Variants in DHRSX observed in about 807,000 individuals in gnomAD.
DHRSX encodes polyprenol dehydrogenase.
DHRSX carries 31 observed loss-of-function variants against 34.0 expected under a neutral mutation model. The observed-to-expected ratio is 0.91, with a 90% CI of 0.69 to 1.23. The LOEUF is 1.23. DHRSX is among the 50% of genes most tolerant of loss of function. The pLI is 0.00. For synonymous variants in DHRSX, 201 were observed against 183.8 expected, an observed-to-expected ratio of 1.09 and a Z score of -0.76; for missense variants, 414 against 428.1, an observed-to-expected ratio of 0.97 and a Z score of 0.29.
intron 3 of DHRSX, among the ~76,000 whole-genome samples, chrX:2,324,637 G>A (rs960282936): frequency 6.6e-6 from 1 of 152,044 alleles, no homozygotes; most frequent in Non-Finnish European, 1.5e-5. Flanking sequence ...ATCTAATACA[G>A]TCATGATACT....
chrX:2,310,165 G>A (rs1181272889), intron 3 of DHRSX, among the ~76,000 whole-genome samples: 26 of 151,988 alleles, frequency 1.7e-4, no homozygotes, highest in Admixed American at 6.6e-4. Context: ...AGCAACAGCC[G>A]TCCTGCTACC....
chrX:2,361,173 C>A (rs919205645), intron 3 of DHRSX, among the ~76,000 whole-genome samples: 2 of 152,018 alleles, frequency 1.3e-5, no homozygotes, highest in South Asian at 2.1e-4. Context: ...TGCAGTGGTG[C>A]GATCTCGGCT....
intron 6 of DHRSX, among the ~76,000 whole-genome samples, chrX:2,232,067 CCTTTT>C (rs1332162345): frequency 8.0e-5 from 12 of 150,370 alleles, no homozygotes; most frequent in Non-Finnish European, 1.3e-4. Context: ...CTGTCTTCCT[CCTTTT>C]ATTTTTTCTC....
At chrX:2,396,434 T>C (rs1443795955) in intron 3 of DHRSX, among the ~76,000 whole-genome samples, 4 of 140,226 alleles carry the variant, frequency 2.9e-5, no homozygotes, top group African/African-American at 5.2e-5. Context: ...CTGGAGTGCA[T>C]TGGCAATATC....
chrX:2,225,168 A>G (rs1226547121), intron 6 of DHRSX, among the ~76,000 whole-genome samples: 1 of 62,238 alleles, frequency 1.6e-5, no homozygotes, highest in Admixed American at 1.7e-4. Flanking sequence ...ACATGCACTC[A>G]CACACGCACA....
At chrX:2,432,089 G>A (rs1317428669) in intron 1 of DHRSX, among the ~76,000 whole-genome samples, 1 of 152,102 alleles carries the variant, frequency 6.6e-6, no homozygotes, top group Non-Finnish European at 1.5e-5. Flanking sequence ...AGCGACTCGG[G>A]AGGCTGAGGC....
At chrX:2,270,472 C>T (rs1232440584) in intron 4 of DHRSX, among the ~76,000 whole-genome samples, 4 of 152,182 alleles carry the variant, frequency 2.6e-5, no homozygotes, top group Non-Finnish European at 4.4e-5. Context: ...GTTTTACAGC[C>T]TCTCCAACCC....
At chrX:2,432,074 A>G (rs1189533357) in intron 1 of DHRSX, among the ~76,000 whole-genome samples, 1 of 152,038 alleles carries the variant, frequency 6.6e-6, no homozygotes, top group Non-Finnish European at 1.5e-5. Flanking sequence ...GCCACCTGTA[A>G]TCCCAGCGAC....
At chrX:2,465,003 C>T (rs944974644) in intron 1 of DHRSX, among the ~76,000 whole-genome samples, 1 of 151,948 alleles carries the variant, frequency 6.6e-6, no homozygotes, top group Non-Finnish European at 1.5e-5. Context: ...CATGTACACA[C>T]TGAAGACGTT....
intron 3 of DHRSX, chrX:2,336,519 T>C (rs1475374186): frequency 6.6e-6 from 1 of 152,120 alleles, no homozygotes; most frequent in Admixed American, 6.6e-5. Flanking sequence ...ATACTTGTCA[T>C]CAGTACTGGG....
chrX:2,386,813 A>G (rs1437907608), intron 3 of DHRSX, among the ~76,000 whole-genome samples: 3 of 150,856 alleles, frequency 2.0e-5, no homozygotes, highest in Non-Finnish European at 2.9e-5. Context: ...TGTGTGTGGA[A>G]TGAAGGATGA....
intron 3 of DHRSX, among the ~76,000 whole-genome samples, chrX:2,305,470 C>T (rs1429456563): frequency 6.6e-6 from 1 of 152,040 alleles, no homozygotes; most frequent in African/African-American, 2.4e-5. Context: ...TACCATTTGA[C>T]CCAGCAATCC....
intron 3 of DHRSX, among the ~76,000 whole-genome samples, chrX:2,300,788 C>G (rs1218790607): frequency 6.6e-6 from 1 of 152,050 alleles, no homozygotes; most frequent in Non-Finnish European, 1.5e-5. Context: ...GCTATTTATC[C>G]TGTTAGTTAT....
intron 4 of DHRSX, among the ~76,000 whole-genome samples, chrX:2,283,337 C>A (rs1330272273): frequency 6.6e-6 from 1 of 152,060 alleles, no homozygotes; most frequent in African/African-American, 2.4e-5. Context: ...GCAGAGGAAA[C>A]CACTACGGAA....
At chrX:2,305,746 A>C in intron 3 of DHRSX, among the ~76,000 whole-genome samples, 1 of 151,896 alleles carries the variant, frequency 6.6e-6, no homozygotes. Flanking sequence ...AAGAACAGAA[A>C]ACTAAACACC....
intron 1 of DHRSX, among the ~76,000 whole-genome samples, chrX:2,473,895 T>C: frequency 6.8e-6 from 1 of 146,274 alleles, no homozygotes. Flanking sequence ...TTGGCTGTGA[T>C]TCAGACCATT....
intron 3 of DHRSX, among the ~76,000 whole-genome samples, chrX:2,354,888 C>T (rs2042830241): frequency 6.6e-6 from 1 of 152,142 alleles, no homozygotes; most frequent in South Asian, 2.1e-4. Context: ...CACGCATCCT[C>T]CAGGGGTGAA....
chrX:2,378,677 A>AT (rs897230295), intron 3 of DHRSX, among the ~76,000 whole-genome samples: 123 of 149,538 alleles, frequency 8.2e-4, no homozygotes, highest in South Asian at 1.9e-3. Context: ...CTCTTGATTA[A>AT]TTTTTTTTTT....
chrX:2,441,114 C>A (rs759187823), intron 1 of DHRSX, among the ~76,000 whole-genome samples: 1 of 152,160 alleles, frequency 6.6e-6, no homozygotes, highest in Non-Finnish European at 1.5e-5. Context: ...AGACGGAGCA[C>A]GTGTCAGTCC....
Sources: gnomAD v4.1 joint callset for allele counts (sites outside exome capture counted in the v4.1 genomes callset) on GRCh38, gnomAD v4.1.1 for gene constraint, MANE v1.5 for transcripts, NCBI Gene and HGNC (gene_info 2026-07-23, HGNC 2026-07-21) for gene names.